STAG1: variants seen among roughly 807,000 people sequenced by gnomAD.
The protein encoded by STAG1 is STAG1 cohesin complex component, also known as cohesin subunit SA-1.
Under a neutral mutation model 170.9 loss-of-function variants are expected in STAG1, and 26 were observed. The ratio of observed to expected loss-of-function variants is 0.15; its 90% CI spans 0.11 to 0.21. STAG1 has a LOEUF of 0.21. Ranked by LOEUF, STAG1 falls within the 10% of genes least tolerant of loss-of-function variation. The pLI is 1.00. For missense variants in STAG1, 964 were observed against 1,509.5 expected (o/e 0.64, Z 5.99); for synonymous variants, 514 against 497.7 (o/e 1.03, Z -0.44).
At position 136,749,999 on chromosome 3, in the gene STAG1, G is replaced by GT. The variant is rs149549150; in HGVS notation, c.-84+2195dup. On this transcript the variant is annotated intron_variant, in intron 1 of 33. Coordinates refer to ENST00000383202, the MANE Select transcript of STAG1 (RefSeq NM_005862.3). ...AACAAATAAAAGGGGAAACAAGAAC[G>GT]TATCTTTCCCAGAGTACATTATTTC... Among the ~76,000 whole-genome samples, 853 of 151,706 alleles carry GT rather than the reference G, an allele frequency of 5.6e-3. 9 individuals carry two copies. The highest frequency in any genetic ancestry group is 0.02 in the African/African-American group (820 of 41,390).
chr3:136,678,279 T>C (rs918286104), intron 1 of STAG1, among the ~76,000 whole-genome samples: 1 of 151,314 alleles, frequency 6.6e-6, no homozygotes, highest in Non-Finnish European at 1.5e-5. Flanking sequence ...TAACAGTGCA[T>C]ATTAGACTGT....
intron 1 of STAG1, among the ~76,000 whole-genome samples, chr3:136,686,553 T>C (rs1942539728): frequency 6.6e-6 from 1 of 152,202 alleles, no homozygotes; most frequent in African/African-American, 2.4e-5. Flanking sequence ...TTGGGAGAAC[T>C]GGCTTTACAA....
At chr3:136,468,010 T>C (rs956887220) in intron 12 of STAG1, among the ~76,000 whole-genome samples, 1 of 152,080 alleles carries the variant, frequency 6.6e-6, no homozygotes, top group African/African-American at 2.4e-5. Flanking sequence ...GAAAGCAGTG[T>C]GTAGAGGGAA....
At chr3:136,389,435 G>A (rs2086951424) in intron 22 of STAG1, among the ~76,000 whole-genome samples, 1 of 152,130 alleles carries the variant, frequency 6.6e-6, no homozygotes, top group South Asian at 2.1e-4. Context: ...TGGGACTACA[G>A]GCGCACACCA....
intron 1 of STAG1, among the ~76,000 whole-genome samples, chr3:136,692,441 C>T (rs527289481): frequency 6.6e-6 from 1 of 151,862 alleles, no homozygotes; most frequent in East Asian, 1.9e-4. Flanking sequence ...TCGAGACCAG[C>T]CTGCTTAACA....
intron 4 of STAG1, among the ~76,000 whole-genome samples, chr3:136,580,766 C>A (rs1412513614): frequency 2.0e-5 from 3 of 151,722 alleles, no homozygotes; most frequent in Non-Finnish European, 4.4e-5. Flanking sequence ...ATCTCCTGAC[C>A]TCATGATCCA....
intron 1 of STAG1, among the ~76,000 whole-genome samples, chr3:136,677,825 ATAATCT>A (rs1343386884): frequency 6.6e-6 from 1 of 150,750 alleles, no homozygotes; most frequent in Non-Finnish European, 1.5e-5. Flanking sequence ...GACTAAGAAA[ATAATCT>A]TAGAGAAGGA....
Position 136,588,314 on chromosome 3 carries a change from G to GT in STAG1, c.297+15994dup, listed in dbSNP as rs553010473. On this transcript the variant is annotated intron_variant, in intron 4 of 33. Coordinates refer to ENST00000383202, the MANE Select transcript of STAG1 (RefSeq NM_005862.3). ...CTGCTATATTTGACTGGTTTTTTGG[G>GT]TTTTTTCTGTTGTTGTTTTTGGGCT... 1.8e-4 allele frequency among the ~76,000 whole-genome samples: 28 copies of GT among 151,970 alleles called. 1 individual carries two copies. The highest frequency in any genetic ancestry group is 3.8e-4 in the Non-Finnish European group (26 of 67,978).
At chr3:136,398,370 G>A (rs1189439003) in intron 22 of STAG1, among the ~76,000 whole-genome samples, 6 of 151,976 alleles carry the variant, frequency 3.9e-5, no homozygotes, top group African/African-American at 7.2e-5. Context: ...TGCCTACCTC[G>A]GCCTCCCAAA....
At chr3:136,555,688 A>C (rs1345472776) in intron 5 of STAG1, among the ~76,000 whole-genome samples, 1 of 151,820 alleles carries the variant, frequency 6.6e-6, no homozygotes, top group Admixed American at 6.6e-5. Flanking sequence ...TGTCTCAATC[A>C]ATCAATCAAT....
intron 5 of STAG1, among the ~76,000 whole-genome samples, chr3:136,567,983 T>C (rs1937144869): frequency 6.6e-6 from 1 of 152,082 alleles, no homozygotes; most frequent in East Asian, 1.9e-4. Context: ...GAGACTGCCT[T>C]GATAACTTCT....
In STAG1 at chr3:136,421,132, T is replaced by C. The variant is rs764073911; in HGVS notation, c.2069A>G (p.Asn690Ser). The change falls in exon 20 of 34, where the codon AAT becomes AGT. Residue 690 changes from asparagine to serine, a missense_variant. Transcript: ENST00000383202. ...TAACCGCTTTAATGTAGAAAGAACA[T>C]TGTAAATGTCATCATCATCAGCTTC... ...GEEADDDDIY[N>S]VLSTLKRLTS... The C allele has an allele frequency of 8.1e-6, 13 of 1,607,792 alleles. No homozygotes were observed. Among genetic ancestry groups the C allele is most frequent in the South Asian group, 2.2e-5 (2 of 89,730 alleles).
chr3:136,463,936 A>G (rs1221358764), intron 13 of STAG1, among the ~76,000 whole-genome samples: 1 of 148,536 alleles, frequency 6.7e-6, no homozygotes, highest in South Asian at 2.1e-4. Context: ...AAATGATTTA[A>G]AGAATGAGTT....
At chr3:136,485,906 C>G (rs975287084) in intron 9 of STAG1, among the ~76,000 whole-genome samples, 1 of 152,162 alleles carries the variant, frequency 6.6e-6, no homozygotes, top group East Asian at 1.9e-4. Context: ...ATTACATATT[C>G]TCTCATAAAT....
At chr3:136,596,300 G>A (rs1213940415) in intron 4 of STAG1, among the ~76,000 whole-genome samples, 3 of 152,100 alleles carry the variant, frequency 2.0e-5, no homozygotes, top group South Asian at 4.2e-4. Flanking sequence ...TTGATCAGTC[G>A]GCAGCTATCA....
intron 12 of STAG1, among the ~76,000 whole-genome samples, chr3:136,467,654 C>A (rs149255748): frequency 3.9e-5 from 6 of 152,232 alleles, no homozygotes; most frequent in South Asian, 2.1e-4. Context: ...CTGCACCAAG[C>A]GGAATGAACA....
chr3:136,383,954 CAAAAAAA>C (rs71304276), intron 22 of STAG1, among the ~76,000 whole-genome samples: 1 of 59,004 alleles, frequency 1.7e-5, no homozygotes, highest in African/African-American at 7.4e-5. Context: ...GACTCCGTCT[CAAAAAAA>C]AAAAAAAAAA....
At chr3:136,612,914 T>A (rs1370388442) in intron 3 of STAG1, among the ~76,000 whole-genome samples, 3 of 152,212 alleles carry the variant, frequency 2.0e-5, no homozygotes, top group Non-Finnish European at 4.4e-5. Context: ...GTATAACTGC[T>A]GGAACTTTGA....
chr3:136,600,353 C>G (rs1407606150), intron 4 of STAG1, among the ~76,000 whole-genome samples: 5 of 152,130 alleles, frequency 3.3e-5, no homozygotes, highest in Non-Finnish European at 1.5e-5. Flanking sequence ...AAGCCCGATT[C>G]GATTCTCCTA....
Sources: gnomAD v4.1 joint callset for allele counts (sites outside exome capture counted in the v4.1 genomes callset) on GRCh38, gnomAD v4.1.1 for gene constraint, MANE v1.5 for transcripts, NCBI Gene and HGNC (gene_info 2026-07-23, HGNC 2026-07-21) for gene names.